PIK3CD: variants seen among roughly 807,000 people sequenced by gnomAD.
PIK3CD encodes the protein phosphatidylinositol 4,5-bisphosphate 3-kinase catalytic subunit delta isoform.
In PIK3CD, 20 loss-of-function variants were observed where a neutral mutation model predicts 122.9. The ratio of observed to expected loss-of-function variants is 0.16; its 90% CI spans 0.11 to 0.24. PIK3CD has a LOEUF of 0.24. Ranked by LOEUF, PIK3CD falls within the 10% of genes least tolerant of loss-of-function variation. The pLI is 1.00. For synonymous variants in PIK3CD, 596 were observed against 593.4 expected (o/e 1.00, Z -0.06); for missense variants, 787 against 1,406.3 (o/e 0.56, Z 7.04).
At position 9,685,052 on chromosome 1, in the gene PIK3CD, T is replaced by C. The variant is rs187353913; in HGVS notation, c.-137-6415T>C. On this transcript the variant is annotated intron_variant, in intron 1 of 23. Transcript: ENST00000377346. ...GGAAGTGCCAGATGCTAATTAACTT[T>C]GCTTTTTAACTACAGATGAGCCACT... 4.4e-3 allele frequency among the ~76,000 whole-genome samples: 664 copies of C among 152,166 alleles called. 2 individuals are homozygous for C. The highest frequency in any genetic ancestry group is 6.0e-3 in the Non-Finnish European group (409 of 67,998).
chr1:9,684,622 A>AG, intron 1 of PIK3CD, among the ~76,000 whole-genome samples: 1 of 151,858 alleles, frequency 6.6e-6, no homozygotes, highest in African/African-American at 2.4e-5. Flanking sequence ...TGTGAGGCTG[A>AG]GGCAGGCAGA....
At chr1:9,656,714 G>A (rs1380962518) in intron 1 of PIK3CD, among the ~76,000 whole-genome samples, 2 of 152,070 alleles carry the variant, frequency 1.3e-5, no homozygotes, top group African/African-American at 2.4e-5. Context: ...AGGCTGAGGC[G>A]GGTGGATCAC....
intron 23 of PIK3CD, among the ~76,000 whole-genome samples, chr1:9,725,280 T>A (rs1451486315): frequency 2.0e-5 from 3 of 152,218 alleles, no homozygotes; most frequent in Non-Finnish European, 4.4e-5. Context: ...TTGGCCAGGC[T>A]GGGTGGCTCA....
chr1:9,664,614 G>A (rs568245684), intron 1 of PIK3CD, among the ~76,000 whole-genome samples: 18 of 152,224 alleles, frequency 1.2e-4, no homozygotes, highest in African/African-American at 4.1e-4. Flanking sequence ...CTTTGCAAAC[G>A]AGGCATTGTT....
intron 2 of PIK3CD, among the ~76,000 whole-genome samples, chr1:9,701,616 C>T (rs1215864685): frequency 2.2e-5 from 3 of 138,772 alleles, no homozygotes; most frequent in Non-Finnish European, 3.0e-5. Flanking sequence ...TTGCAGTGAG[C>T]GGAGATTGTG....
intron 1 of PIK3CD, among the ~76,000 whole-genome samples, chr1:9,674,910 G>A (rs980523980): frequency 6.6e-5 from 10 of 150,660 alleles, no homozygotes; most frequent in Non-Finnish European, 1.3e-4. Flanking sequence ...ATGCACACCT[G>A]TAGTCCCAGC....
intron 1 of PIK3CD, among the ~76,000 whole-genome samples, chr1:9,681,289 G>A (rs1645740417): frequency 1.3e-5 from 2 of 152,166 alleles, no homozygotes; most frequent in Admixed American, 6.5e-5. Context: ...CCAGGCTGAG[G>A]TGCAGTGGCA....
upstream of PIK3CD, among the ~76,000 whole-genome samples, chr1:9,649,776 T>C (rs1414747725): frequency 6.6e-6 from 1 of 152,156 alleles, no homozygotes; most frequent in East Asian, 1.9e-4. Flanking sequence ...GAAGCCACTG[T>C]TGTAATCTCA....
chr1:9,660,760 G>C (rs1644987878), intron 1 of PIK3CD: 1 of 152,112 alleles, frequency 6.6e-6, no homozygotes, highest in African/African-American at 2.4e-5. Flanking sequence ...TCAGTCGCCA[G>C]TTCTACTTTT....
upstream of PIK3CD, among the ~76,000 whole-genome samples, chr1:9,649,110 A>T (rs1349329611): frequency 6.6e-6 from 1 of 151,384 alleles, no homozygotes; most frequent in Non-Finnish European, 1.5e-5. Flanking sequence ...TCAACAAACA[A>T]ACAAACAAAC....
At chr1:9,694,015 A>G (rs147961288) in intron 2 of PIK3CD, among the ~76,000 whole-genome samples, 186 of 152,290 alleles carry the variant, frequency 1.2e-3, no homozygotes, top group African/African-American at 3.8e-3. Context: ...CAGTGTTTTC[A>G]GAGAGGTTGG....
chr1:9,632,329 A>G, the PIK3CD span, among the ~76,000 whole-genome samples: 1 of 151,862 alleles, frequency 6.6e-6, no homozygotes, highest in Non-Finnish European at 1.5e-5. Context: ...TCTTTTTTTT[A>G]AAGACAGAGG....
the PIK3CD span, among the ~76,000 whole-genome samples, chr1:9,632,592 CA>C: frequency 6.6e-6 from 1 of 152,132 alleles, no homozygotes; most frequent in African/African-American, 2.4e-5. Flanking sequence ...ATCTATAGAG[CA>C]AAAATGTGGA....
Position 9,710,450 on chromosome 1 carries a change from C to T in PIK3CD, c.-6C>T, listed in dbSNP as rs973039715. 5 of 1,613,896 alleles carry T rather than the reference C, an allele frequency of 3.1e-6. No individual in the cohort carries two copies. The highest frequency in any genetic ancestry group is 1.7e-5 in the Admixed American group (1 of 59,990). ...ACAACTGTCATCTGGGAAGTAACAA[C>T]GCAGGATGCCCCCTGGGGTGGACTG... On this transcript the variant is annotated 5_prime_UTR_variant, in exon 3 of 24. It adds an upstream start codon to the 5' untranslated region. Transcript: ENST00000377346. The surrounding 1 kb of genome is among the most constrained non-coding windows in gnomAD (Gnocchi z 4.7).
chr1:9,723,472 A>G lies in PIK3CD; in HGVS notation c.2594+180A>G, dbSNP rs1399864358. Among the ~76,000 whole-genome samples, 1 of 152,202 alleles carries G rather than the reference A, an allele frequency of 6.6e-6. No homozygotes were observed. The highest frequency in any genetic ancestry group is 1.5e-5 in the Non-Finnish European group (1 of 68,024). On this transcript the variant is annotated intron_variant, in intron 20 of 23. Transcript: ENST00000377346. The surrounding 1 kb of genome is among the most constrained non-coding windows in gnomAD (Gnocchi z 4.9). Reference sequence around the variant, plus strand: ...TGAGGTAGGTCTCTCTTCCCCAAGTATCAGTGTCTCTTGCTATGCAACACC... The same window carrying G: ...TGAGGTAGGTCTCTCTTCCCCAAGTGTCAGTGTCTCTTGCTATGCAACACC...
At chr1:9,634,393 CT>C in the PIK3CD span, among the ~76,000 whole-genome samples, 4 of 152,056 alleles carry the variant, frequency 2.6e-5, no homozygotes, top group African/African-American at 9.7e-5. Context: ...AACTCCTTAC[CT>C]CATGTGATCC....
At chr1:9,691,661 C>T (rs1646201300) in intron 2 of PIK3CD, 90 bp downstream of exon 2, 1 of 396,246 alleles carries the variant, frequency 2.5e-6, no homozygotes, top group Non-Finnish European at 4.4e-6. Flanking sequence ...AACCCATCCT[C>T]CCCGACTCTC....
intron 1 of PIK3CD, among the ~76,000 whole-genome samples, chr1:9,665,067 G>T (rs1271505321): frequency 1.3e-5 from 2 of 151,946 alleles, no homozygotes; most frequent in African/African-American, 4.8e-5. Flanking sequence ...AGCTGGGTGT[G>T]GTGGTGTGCA....
Position 9,720,593 on chromosome 1 carries a change from T to A in PIK3CD, c.1471-18T>A, listed in dbSNP as rs1427819212. 12 of 1,534,788 alleles carry A rather than the reference T, an allele frequency of 7.8e-6. No homozygotes were observed. Among genetic ancestry groups the A allele is most frequent in the Non-Finnish European group, 8.8e-6 (10 of 1,139,616 alleles). On this transcript the variant is annotated intron_variant, in intron 11 of 23. Coordinates refer to ENST00000377346, the MANE Select transcript of PIK3CD (RefSeq NM_005026.5). The surrounding 1 kb of genome is among the most constrained non-coding windows in gnomAD (Gnocchi z 9.0). The stretch of plus-strand genomic sequence containing the variant: ...GGTCCAGGCCCCTGGGGACGCTGAG[T>A]GCAGCCGTTTGTTGCAGATCTTGGA...
Sources: allele counts gnomAD v4.1 joint callset (sites outside exome capture counted in the v4.1 genomes callset), GRCh38; gene constraint gnomAD v4.1.1; non-coding constraint Gnocchi (gnomAD v3.1); transcripts MANE v1.5; gene names NCBI Gene and HGNC (gene_info 2026-07-23, HGNC 2026-07-21).